The following TMEM238 variants were observed in gnomAD, a reference collection of about 807,000 sequenced individuals.
TMEM238 encodes transmembrane protein 238.
For missense variants in TMEM238, 169 were observed against 206.8 expected (o/e 0.82, Z 1.12); for synonymous variants, 103 against 111.5 (o/e 0.92, Z 0.48).
In TMEM238 at chr19:55,383,835, C is replaced by T; in HGVS notation, c.425G>A (p.Arg142Gln). The change falls in exon 1 of 2, where the codon CGA becomes CAA. Residue 142 changes from arginine to glutamine, a missense_variant. Coordinates refer to ENST00000444469, the MANE Select transcript of TMEM238 (RefSeq NM_001190764.2). This position sits in a 1 kb window ranked among gnomAD's most constrained non-coding sequence, Gnocchi z 4.9. ...GGGCGGCGGGGGCGCGCGGGCGGCT[C>T]GGCGCGCTCTCCGGGAGCCGGGCGC... ...RPAPGSRRARRAARAPPPPAA... is the reference protein window; with the variant it reads ...RPAPGSRRARQAARAPPPPAA... 2 of 716,924 alleles carry T rather than the reference C, an allele frequency of 2.8e-6. No individual in the cohort carries two copies. The highest frequency in any genetic ancestry group is 1.7e-6 in the Non-Finnish European group (1 of 587,620). 44.4% of individuals were successfully genotyped at this position (716,924 alleles called of 1,614,324 possible).
In TMEM238 at chr19:55,380,252, G is replaced by A. The variant is rs562557440; in HGVS notation, c.*8-885C>T. ...CAGCTGTGTTAGACGTTTAAGCTAC[G>A]TAAAGGATTCTCCTCTCCTCCCCTC... On this transcript the variant is annotated intron_variant, in intron 1 of 1. Transcript: ENST00000444469. 4.1e-4 allele frequency among the ~76,000 whole-genome samples: 61 copies of A among 147,492 alleles called. 1 individual carries two copies. The East Asian group carries it at 0.011, about 26-fold the overall frequency.
Position 55,384,043 on chromosome 19 carries a change from A to G in TMEM238, c.217T>C (p.Tyr73His). Reference protein sequence around the residue: ...RGRDFGDLLIYSGALLVFLSL... With the variant: ...RGRDFGDLLIHSGALLVFLSL... ...AGGAACACCAGCAGCGCGCCCGAGT[A>G]GATGAGCAGGTCCCCGAAGTCGCGG... The change falls in exon 1 of 2, where the codon TAC becomes CAC. Residue 73 changes from tyrosine to histidine, a missense_variant. Coordinates refer to ENST00000444469, the MANE Select transcript of TMEM238 (RefSeq NM_001190764.2). This position sits in a 1 kb window ranked among gnomAD's most constrained non-coding sequence, Gnocchi z 5.6. 6.7e-7 allele frequency: 1 copy of G among 1,483,742 alleles called. No individual in the cohort carries two copies. The highest frequency in any genetic ancestry group is 9.0e-7 in the Non-Finnish European group (1 of 1,114,982). The allele number at this position is 1,483,742 out of a possible 1,614,324, so 91.9% of individuals were successfully genotyped here.
At chr19:55,380,451 G>T (rs2089882081) in intron 1 of TMEM238, among the ~76,000 whole-genome samples, 1 of 139,130 alleles carries the variant, frequency 7.2e-6, no homozygotes, top group Non-Finnish European at 1.6e-5. Context: ...TTGAGATGGA[G>T]TCTTGCTCTG....
chr19:55,380,840 C>A (rs542000632), intron 1 of TMEM238, among the ~76,000 whole-genome samples: 1 of 151,952 alleles, frequency 6.6e-6, no homozygotes, highest in Non-Finnish European at 1.5e-5. Context: ...CAGGTTCAAG[C>A]AAGCAATTCT....
Position 55,383,463 on chromosome 19 carries a change from G to A in TMEM238, c.*7+259C>T, listed in dbSNP as rs1001694788. ...AGCTGGGGCTCTCCCCGTGCGGGGGGCCTAACTGTGTGACTCGACCCCCAC... is the reference window on the plus strand; with the variant it reads ...AGCTGGGGCTCTCCCCGTGCGGGGGACCTAACTGTGTGACTCGACCCCCAC... On this transcript the variant is annotated intron_variant, in intron 1 of 1. Coordinates refer to ENST00000444469, the MANE Select transcript of TMEM238 (RefSeq NM_001190764.2). This position sits in a 1 kb window ranked among gnomAD's most constrained non-coding sequence, Gnocchi z 4.9. Among the ~76,000 whole-genome samples the A allele has an allele frequency of 6.6e-6, 1 of 152,134 alleles. No individual in the cohort carries two copies. The highest frequency in any genetic ancestry group is 1.9e-4 in the East Asian group (1 of 5,176).
intron 1 of TMEM238, among the ~76,000 whole-genome samples, 173 bp from the exon 2 acceptor site, chr19:55,379,540 G>A (rs2089876272): frequency 6.6e-6 from 1 of 152,180 alleles, no homozygotes; most frequent in Admixed American, 6.5e-5. Context: ...CTGAGTGTGT[G>A]CATGCGTGTG....
intron 1 of TMEM238, among the ~76,000 whole-genome samples, chr19:55,379,627 G>C (rs2089876854): frequency 1.3e-5 from 2 of 152,284 alleles, no homozygotes; most frequent in South Asian, 4.1e-4. Flanking sequence ...GGGAGACGAA[G>C]ACATGCAGAA....
intron 1 of TMEM238, among the ~76,000 whole-genome samples, chr19:55,381,866 T>C (rs1408237407): frequency 6.6e-6 from 1 of 152,160 alleles, no homozygotes; most frequent in Non-Finnish European, 1.5e-5. Context: ...GGAAAAGCTC[T>C]TGCCCCTTTA....
chr19:55,382,237 C>T (rs1213382268), intron 1 of TMEM238, among the ~76,000 whole-genome samples: 2 of 152,124 alleles, frequency 1.3e-5, no homozygotes, highest in African/African-American at 4.8e-5. Context: ...CATCCATCCA[C>T]CCATCCATCT....
chr19:55,379,466 G>A (rs2305788), intron 1 of TMEM238, 99 bp from the exon 2 acceptor site: 137,429 of 152,294 alleles, frequency 0.9, 62,175 homozygotes, highest in Non-Finnish European at 0.93. Flanking sequence ...AGCCCCATCC[G>A]CCTGCCCTTG....
At chr19:55,382,487 A>G (rs1376177302) in intron 1 of TMEM238, among the ~76,000 whole-genome samples, 1 of 152,222 alleles carries the variant, frequency 6.6e-6, no homozygotes, top group East Asian at 1.9e-4. Flanking sequence ...AGACCCAGAG[A>G]AGACCCAGAG....
intron 1 of TMEM238, among the ~76,000 whole-genome samples, chr19:55,381,054 T>C (rs1317912119): frequency 1.3e-5 from 2 of 152,220 alleles, no homozygotes; most frequent in Admixed American, 6.5e-5. Flanking sequence ...TAGCATATGA[T>C]TGGGGTGACT....
At chr19:55,382,689 A>G (rs950057896) in intron 1 of TMEM238, among the ~76,000 whole-genome samples, 1 of 152,166 alleles carries the variant, frequency 6.6e-6, no homozygotes, top group Admixed American at 6.5e-5. Flanking sequence ...TGAGTGCTTC[A>G]GTTTAACCAA....
intron 1 of TMEM238, among the ~76,000 whole-genome samples, chr19:55,380,516 C>T (rs1033149643): frequency 8.1e-5 from 12 of 148,650 alleles, no homozygotes; most frequent in Non-Finnish European, 1.6e-4. Context: ...CCTCCGCCTC[C>T]CAGATTCAAG....
chr19:55,379,984 TG>T (rs2089878566), intron 1 of TMEM238, among the ~76,000 whole-genome samples: 1 of 150,564 alleles, frequency 6.6e-6, no homozygotes, highest in African/African-American at 2.5e-5. Flanking sequence ...AACAGAGTGA[TG>T]GGGGTGGCTC....
chr19:55,384,233 G>C lies in TMEM238; in HGVS notation c.27C>G (p.Ala9=). The C allele has an allele frequency of 8.9e-7, 1 of 1,124,948 alleles. No homozygotes were observed. The allele number at this position is 1,124,948 out of a possible 1,614,324, so 69.7% of individuals were successfully genotyped here. A position where few individuals can be genotyped will look rare whatever the true frequency, so the allele number is the denominator to read the frequency against. The change falls in exon 1 of 2, where the codon GCC becomes GCG. Residue 9 remains alanine (A), a synonymous_variant. Coordinates refer to ENST00000444469, the MANE Select transcript of TMEM238 (RefSeq NM_001190764.2). This position sits in a 1 kb window ranked among gnomAD's most constrained non-coding sequence, Gnocchi z 5.6. The stretch of plus-strand genomic sequence containing the variant: ...GTGCACCCGGCGGGCTCCCCTGCGA[G>C]GCGCACACCGCTGGCGCCGCCGCCA... MAAAPAVC[A]SQGSPPGAPS...
At position 55,383,750 on chromosome 19, in the gene TMEM238, C is replaced by A; in HGVS notation, c.510G>T (p.Ala170=). 1 of 261,938 alleles carries A rather than the reference C, an allele frequency of 3.8e-6. No individual in the cohort carries two copies. The highest frequency in any genetic ancestry group is 1.5e-4 in the South Asian group (1 of 6,608). The allele number at this position is 261,938 out of a possible 1,614,324, so 16.2% of individuals were successfully genotyped here. ...QLATLEAGPG[A]AGAGSE ...GGCCTCACTCGCTGCCCGCGCCCGCCGCCCCGGGCCCGGCCTCGAGCGTGG... is the reference window on the plus strand; with the variant it reads ...GGCCTCACTCGCTGCCCGCGCCCGCAGCCCCGGGCCCGGCCTCGAGCGTGG... Residue 170 remains alanine, a synonymous_variant, in exon 1 of 2, where the codon GCG becomes GCT. Transcript: ENST00000444469. This position sits in a 1 kb window ranked among gnomAD's most constrained non-coding sequence, Gnocchi z 4.9.
rs1172564509 is a variant in TMEM238, at chr19:55,383,507, C to T, written c.*7+215G>A. Among the ~76,000 whole-genome samples the T allele has an allele frequency of 6.6e-6, 1 of 152,180 alleles. No individual in the cohort carries two copies. The highest frequency in any genetic ancestry group is 1.5e-5 in the Non-Finnish European group (1 of 68,010). ...CCCCCACACTTCCCATCTCCAGGGG[C>T]AGGGTCTCACAGCCTCCCCCACGTA... is the stretch of plus-strand genomic sequence containing the variant. On this transcript the variant is annotated intron_variant, in intron 1 of 1. Coordinates refer to ENST00000444469, the MANE Select transcript of TMEM238 (RefSeq NM_001190764.2). The surrounding 1 kb of genome is among the most constrained non-coding windows in gnomAD (Gnocchi z 4.9).
At position 55,384,063 on chromosome 19, in the gene TMEM238, TCG is replaced by T. The variant is rs1158370874; in HGVS notation, c.195_196del (p.Asp66LeufsTer?). The T allele has an allele frequency of 6.8e-7, 1 of 1,479,748 alleles. No individual in the cohort carries two copies. The highest frequency in any genetic ancestry group is 9.0e-7 in the Non-Finnish European group (1 of 1,112,982). 91.7% of individuals were successfully genotyped at this position (1,479,748 alleles called of 1,614,324 possible). ...CGAGTAGATGAGCAGGTCCCCGAAGTCGCGGCCGCGCACCTGCAGCTGCGCGA... is the reference window on the plus strand; with the variant it reads ...CGAGTAGATGAGCAGGTCCCCGAAGTCGGCCGCGCACCTGCAGCTGCGCGA... On this transcript the variant is annotated frameshift_variant, in exon 1 of 2. Transcript: ENST00000444469. LOFTEE classifies it low-confidence loss of function (END_TRUNC). The surrounding 1 kb of genome is among the most constrained non-coding windows in gnomAD (Gnocchi z 5.6).
Sources: gnomAD v4.1 joint callset for allele counts (sites outside exome capture counted in the v4.1 genomes callset) on GRCh38, gnomAD v4.1.1 for gene constraint, Gnocchi (gnomAD v3.1) non-coding constraint, MANE v1.5 for transcripts, NCBI Gene and HGNC (gene_info 2026-07-23, HGNC 2026-07-21) for gene names.